Variants in C8B observed in about 807,000 individuals in gnomAD.
The protein encoded by C8B is complement component C8 beta chain.
C8B carries 67 observed loss-of-function variants against 64.6 expected under a neutral mutation model. That is an observed-to-expected ratio of 1.04 (90% CI 0.85 to 1.27). The LOEUF is 1.27. Ranked by LOEUF, C8B falls within the 50% of genes most tolerant of loss-of-function variation. C8B has a pLI of 0.00. For missense variants in C8B, 790 were observed against 725.2 expected (o/e 1.09, Z -1.03); for synonymous variants, 284 against 257.7 (o/e 1.10, Z -0.98).
At chr1:56,949,808 AC>A in intron 5 of C8B, 56 bp from the exon 6 acceptor site, 1 of 1,220,388 alleles carries the variant, frequency 8.2e-7, no homozygotes, top group South Asian at 1.3e-5. Context: ...TCAGTTCAAT[AC>A]CAGTGAGCAG....
chr1:56,948,129 G>A (rs890875961), intron 6 of C8B, among the ~76,000 whole-genome samples: 7 of 152,118 alleles, frequency 4.6e-5, no homozygotes, highest in African/African-American at 1.7e-4. Flanking sequence ...TTTGAATCAG[G>A]GAGCTGGAAG....
intron 10 of C8B, among the ~76,000 whole-genome samples, chr1:56,932,459 C>T (rs892226390): frequency 6.6e-6 from 1 of 152,184 alleles, no homozygotes; most frequent in African/African-American, 2.4e-5. Flanking sequence ...ACTCTATAGC[C>T]TCAGGTGGGT....
intron 3 of C8B, among the ~76,000 whole-genome samples, chr1:56,955,167 A>C (rs1402843592): frequency 6.6e-6 from 1 of 152,136 alleles, no homozygotes; most frequent in African/African-American, 2.4e-5. Flanking sequence ...CTCTGCCTCA[A>C]TTTACTCACC....
chr1:56,941,509 C>CATG (rs1553180477), intron 8 of C8B, among the ~76,000 whole-genome samples: 1 of 86,722 alleles, frequency 1.2e-5, no homozygotes, highest in Admixed American at 1.2e-4. Context: ...TAGATAGATA[C>CATG]ATAGATAGAT....
intron 1 of C8B, among the ~76,000 whole-genome samples, chr1:56,964,865 T>C (rs1382996209): frequency 2.0e-5 from 3 of 152,214 alleles, no homozygotes; most frequent in Admixed American, 1.3e-4. Context: ...TGCTTCTCTG[T>C]GTACACACAG....
intron 8 of C8B, among the ~76,000 whole-genome samples, chr1:56,941,543 T>G (rs974145580): frequency 7.4e-6 from 1 of 135,230 alleles, no homozygotes; most frequent in Non-Finnish European, 1.6e-5. Context: ...GATAGATAGA[T>G]AGATAGATAA....
chr1:56,933,431 T>C lies in C8B; in HGVS notation c.1456A>G (p.Arg486Gly), dbSNP rs746419831. 6.2e-7 allele frequency: 1 copy of C among 1,613,746 alleles called. No homozygotes were observed. Among genetic ancestry groups the C allele is most frequent in the Non-Finnish European group, 8.5e-7 (1 of 1,179,682 alleles). ...ATDFAYSSTV[R>G]QNMKQALEEF... ...TCCAGTGCCTGCTTCATGTTCTGCC[T>C]CACTGTGCTGGAATAGGCAAAATCT... Residue 486 changes from arginine to glycine, a missense_variant, in exon 10 of 12, where the codon AGG becomes GGG. Coordinates refer to ENST00000371237, the MANE Select transcript of C8B (RefSeq NM_000066.4).
chr1:56,941,527 T>C (rs1272903418), intron 8 of C8B, among the ~76,000 whole-genome samples: 1 of 136,016 alleles, frequency 7.4e-6, no homozygotes, highest in Non-Finnish European at 1.5e-5. Context: ...GATAGATAGA[T>C]AGATAGATAG....
Position 56,933,415 on chromosome 1 carries a change from T to G in C8B, c.1472A>C (p.Gln491Pro). Reference protein sequence around the residue: ...YSSTVRQNMKQALEEFQKEVS... With the variant: ...YSSTVRQNMKPALEEFQKEVS... Reference sequence around the variant, plus strand: ...TTCCTTCTGGAACTCCTCCAGTGCCTGCTTCATGTTCTGCCTCACTGTGCT... The same window carrying G: ...TTCCTTCTGGAACTCCTCCAGTGCCGGCTTCATGTTCTGCCTCACTGTGCT... The change falls in exon 10 of 12, where the codon CAG becomes CCG. Residue 491 changes from glutamine (Q) to proline (P), a missense_variant. Gln to Pro is a moderately conservative substitution (Grantham distance 76, BLOSUM62 -1). Transcript: ENST00000371237. 1 of 1,613,570 alleles carries G rather than the reference T, an allele frequency of 6.2e-7. No homozygotes were observed. Among genetic ancestry groups the G allele is most frequent in the Non-Finnish European group, 8.5e-7 (1 of 1,179,516 alleles).
rs544597259 is a variant in C8B, at chr1:56,931,169, T to C, written c.1621+641A>G. Among the ~76,000 whole-genome samples, 3 of 152,294 alleles carry C rather than the reference T, an allele frequency of 2.0e-5. No homozygotes were observed. In the South Asian group the frequency reaches 6.2e-4, roughly 32 times the overall value. ...ATAAAAGTGAGAGAGGAGTGAAAGA[T>C]TGAGAGCTCTTATGTGTTAAACTGG... is the stretch of plus-strand genomic sequence containing the variant. On this transcript the variant is annotated intron_variant, in intron 11 of 11. Coordinates refer to ENST00000371237, the MANE Select transcript of C8B (RefSeq NM_000066.4).
chr1:56,943,577 A>G (rs1644896381), intron 8 of C8B, 119 bp downstream of exon 8: 1 of 1,145,168 alleles, frequency 8.7e-7, no homozygotes. Context: ...AGAAGGACAT[A>G]GTTGGCCTAG....
At chr1:56,948,172 T>A (rs995450925) in intron 6 of C8B, among the ~76,000 whole-genome samples, 5 of 151,642 alleles carry the variant, frequency 3.3e-5, no homozygotes, top group African/African-American at 9.7e-5. Context: ...GGGGAGGGAG[T>A]AAGCAATAGG....
intron 9 of C8B, among the ~76,000 whole-genome samples, chr1:56,934,164 C>CTTTT (rs60467453): frequency 5.6e-5 from 8 of 143,410 alleles, no homozygotes; most frequent in South Asian, 2.2e-4. Context: ...GTGCAGGGTC[C>CTTTT]TTTTTTTTTT....
chr1:56,951,060 G>A (rs1276716443), intron 5 of C8B, among the ~76,000 whole-genome samples: 1 of 152,138 alleles, frequency 6.6e-6, no homozygotes, highest in South Asian at 2.1e-4. Context: ...GAGTAAGGAG[G>A]AGCTAGCCTT....
chr1:56,953,445 G>A (rs1645055207), intron 4 of C8B, among the ~76,000 whole-genome samples: 1 of 152,142 alleles, frequency 6.6e-6, no homozygotes, highest in African/African-American at 2.4e-5. Flanking sequence ...TTAATCATTA[G>A]GAGGTTAGTA....
In C8B at chr1:56,965,995, C is replaced by G; in HGVS notation, c.-47G>C. On this transcript the variant is annotated 5_prime_UTR_variant, in exon 1 of 12. Coordinates refer to ENST00000371237, the MANE Select transcript of C8B (RefSeq NM_000066.4). The stretch of plus-strand genomic sequence containing the variant: ...GCCACAGAGGCTGCTAGACCCATAA[C>G]AAGCCTGTGCTGTGAGTGCCACTGT... 1 of 1,612,448 alleles carries G rather than the reference C, an allele frequency of 6.2e-7. No homozygotes were observed. The highest frequency in any genetic ancestry group is 8.5e-7 in the Non-Finnish European group (1 of 1,179,902).
In C8B at chr1:56,960,138, T is replaced by C. The variant is rs1409499610; in HGVS notation, c.131A>G (p.Asn44Ser). ...RPHSFGSNAV[N>S]KSFAKSRQMR... ...CTGTCTGCTCTTAGCAAAGCTCTTG[T>C]TGACTGCATTTGACCCAAAGGAATG... Residue 44 changes from asparagine to serine, a missense_variant, in exon 2 of 12, where the codon AAC (asparagine) becomes AGC (serine). By Grantham distance (46) the Asn-to-Ser change is conservative. Transcript: ENST00000371237. 6.2e-7 allele frequency: 1 copy of C among 1,614,204 alleles called. No homozygotes were observed. Among genetic ancestry groups the C allele is most frequent in the Non-Finnish European group, 8.5e-7 (1 of 1,180,026 alleles).
At chr1:56,946,914 C>T (rs1644951456) in intron 6 of C8B, among the ~76,000 whole-genome samples, 1 of 152,200 alleles carries the variant, frequency 6.6e-6, no homozygotes, top group South Asian at 2.1e-4. Context: ...TGCCTATTGC[C>T]CTGGGGCCTC....
chr1:56,962,899 A>G (rs2101473116), intron 1 of C8B, among the ~76,000 whole-genome samples: 1 of 152,348 alleles, frequency 6.6e-6, no homozygotes, highest in South Asian at 2.1e-4. Context: ...TTGTTAATCA[A>G]CATTGCATTT....
Sources: allele counts gnomAD v4.1 joint callset (sites outside exome capture counted in the v4.1 genomes callset), GRCh38; gene constraint gnomAD v4.1.1; transcripts MANE v1.5; gene names NCBI Gene and HGNC (gene_info 2026-07-23, HGNC 2026-07-21).